Variants in MYRF observed in about 807,000 individuals in gnomAD.
The protein encoded by MYRF is myelin gene regulatory factor.
In MYRF, 16 loss-of-function variants were observed where a neutral mutation model predicts 126.3. The ratio of observed to expected loss-of-function variants is 0.13; its 90% CI spans 0.09 to 0.19. MYRF has a LOEUF of 0.19. Ranked by LOEUF, MYRF falls within the 10% of genes least tolerant of loss-of-function variation. MYRF has a pLI of 1.00. For synonymous variants in MYRF, 608 were observed against 635.3 expected (o/e 0.96, Z 0.65); for missense variants, 1,104 against 1,547.0 (o/e 0.71, Z 4.80).
intron 3 of MYRF, 103 bp downstream of exon 3, chr11:61,766,324 G>T: frequency 7.6e-7 from 1 of 1,310,130 alleles, no homozygotes; most frequent in Non-Finnish European, 1.0e-6. Flanking sequence ...CCTGGCATGG[G>T]ATGGGCTGGG....
At chr11:61,765,378 G>A (rs1436000173) in intron 1 of MYRF, among the ~76,000 whole-genome samples, 1 of 152,172 alleles carries the variant, frequency 6.6e-6, no homozygotes, top group Admixed American at 6.5e-5. Flanking sequence ...CCATGCCCTG[G>A]GCCCCTCTCC....
intron 1 of MYRF, among the ~76,000 whole-genome samples, chr11:61,758,302 G>A (rs538426661): frequency 6.6e-6 from 1 of 152,328 alleles, no homozygotes; most frequent in East Asian, 1.9e-4. Flanking sequence ...TGGAGTTTGA[G>A]GATCCTATCT....
Position 61,778,549 on chromosome 11 carries a change from A to C in MYRF, c.2013+60A>C. 8.4e-7 allele frequency: 1 copy of C among 1,185,392 alleles called. No homozygotes were observed. Among genetic ancestry groups the C allele is most frequent in the Admixed American group, 1.7e-5 (1 of 59,210 alleles). The allele number at this position is 1,185,392 out of a possible 1,614,324, so 73.4% of individuals were successfully genotyped here. A position where few individuals can be genotyped will look rare whatever the true frequency, so the allele number is the denominator to read the frequency against. ...GCAAGTGGGGAGCCAGCTGGGGAACACTCATCACCTCCATAGATACTGGGG... is the reference window on the plus strand; with the variant it reads ...GCAAGTGGGGAGCCAGCTGGGGAACCCTCATCACCTCCATAGATACTGGGG... On this transcript the variant is annotated intron_variant, in intron 14 of 26. Transcript: ENST00000278836. This position sits in a 1 kb window ranked among gnomAD's most constrained non-coding sequence, Gnocchi z 4.6.
intron 18 of MYRF, 139 bp from the exon 19 acceptor site, chr11:61,780,573 A>G: frequency 1.2e-6 from 1 of 848,558 alleles, no homozygotes. Context: ...AACATGGGGT[A>G]GGAGGAAGGA....
At chr11:61,775,966 A>C in intron 8 of MYRF, 90 bp from the exon 9 acceptor site, 1 of 1,209,224 alleles carries the variant, frequency 8.3e-7, no homozygotes, top group Non-Finnish European at 1.2e-6. Context: ...GGTGAGCTCT[A>C]GTTGGGCCAG....
chr11:61,763,164 G>T (rs1022965249), intron 1 of MYRF, among the ~76,000 whole-genome samples: 1 of 152,200 alleles, frequency 6.6e-6, no homozygotes, highest in African/African-American at 2.4e-5. Flanking sequence ...TCCAGGTGGG[G>T]TGGGGAAGGC....
chr11:61,778,157 G>A lies in MYRF; in HGVS notation c.1904-223G>A, dbSNP rs1028759639. On this transcript the variant is annotated intron_variant, in intron 13 of 26. Transcript: ENST00000278836. The surrounding 1 kb of genome is among the most constrained non-coding windows in gnomAD (Gnocchi z 4.6). ...CTTGCCCTGGGATCCTTACCCCCAGGAATCCGCCCCACCCCAGCCCAGGAA... is the reference window on the plus strand; with the variant it reads ...CTTGCCCTGGGATCCTTACCCCCAGAAATCCGCCCCACCCCAGCCCAGGAA... Among the ~76,000 whole-genome samples the A allele has an allele frequency of 3.3e-5, 5 of 152,102 alleles. No individual in the cohort carries two copies. The highest frequency in any genetic ancestry group is 1.2e-4 in the African/African-American group (5 of 41,426).
At chr11:61,774,521 C>CAA (rs1404658465) in intron 8 of MYRF, among the ~76,000 whole-genome samples, 1 of 100,804 alleles carries the variant, frequency 9.9e-6, no homozygotes. Flanking sequence ...GACTTCATCT[C>CAA]AAAAAAAAAA....
chr11:61,761,811 A>G (rs1195805433), intron 1 of MYRF, among the ~76,000 whole-genome samples: 2 of 152,276 alleles, frequency 1.3e-5, no homozygotes, highest in African/African-American at 4.8e-5. Context: ...AAATGAAGAA[A>G]AAGAAAATCA....
intron 1 of MYRF, among the ~76,000 whole-genome samples, chr11:61,756,912 G>A (rs1439037739): frequency 1.3e-5 from 2 of 152,240 alleles, no homozygotes; most frequent in Non-Finnish European, 2.9e-5. Context: ...CTCCCAAGGG[G>A]TTACAGACTG....
intron 7 of MYRF, 148 bp downstream of exon 7, chr11:61,772,100 A>G: frequency 2.5e-6 from 3 of 1,223,056 alleles, no homozygotes; most frequent in Non-Finnish European, 3.3e-6. Context: ...CAGGACTGGC[A>G]GTCAGGGCTC....
At chr11:61,764,857 C>T (rs2066008123) in intron 1 of MYRF, among the ~76,000 whole-genome samples, 1 of 152,238 alleles carries the variant, frequency 6.6e-6, no homozygotes, top group Non-Finnish European at 1.5e-5. Flanking sequence ...GAGTGGAGCT[C>T]TGGCGGCCAT....
At position 61,766,258 on chromosome 11, in the gene MYRF, T is replaced by C. The variant is rs1368123231; in HGVS notation, c.398+37T>C. On this transcript the variant is annotated intron_variant, in intron 3 of 26. Coordinates refer to ENST00000278836, the MANE Select transcript of MYRF (RefSeq NM_001127392.3). The stretch of plus-strand genomic sequence containing the variant: ...CAGGGAGTAGGGGGATACAGCGGCA[T>C]AGGGGCAGGCAGGGAGCAGGGCTGT... 1.9e-6 allele frequency: 3 copies of C among 1,562,010 alleles called. No individual in the cohort carries two copies. In the East Asian group the frequency reaches 6.8e-5, roughly 35 times the overall value.
chr11:61,780,274 C>G lies in MYRF; in HGVS notation c.2389C>G (p.Leu797Val). Reference sequence around the variant, plus strand: ...GCTGAGCCTGCGCACAGAGGAGGACCTGGTAGACACTGATGGGTAGGTTCC... The same window carrying G: ...GCTGAGCCTGCGCACAGAGGAGGACGTGGTAGACACTGATGGGTAGGTTCC... ...YVLSLRTEED[L>V]VDTDGSFAVS... The change falls in exon 18 of 27, where the codon CTG (leucine) becomes GTG (valine). Residue 797 changes from leucine (L) to valine (V), a missense_variant. Coordinates refer to ENST00000278836, the MANE Select transcript of MYRF (RefSeq NM_001127392.3). 1 of 1,613,062 alleles carries G rather than the reference C, an allele frequency of 6.2e-7. No individual in the cohort carries two copies.
At position 61,778,305 on chromosome 11, in the gene MYRF, C is replaced by T; in HGVS notation, c.1904-75C>T. On this transcript the variant is annotated intron_variant, in intron 13 of 26. Transcript: ENST00000278836. The surrounding 1 kb of genome is among the most constrained non-coding windows in gnomAD (Gnocchi z 4.6). ...AACTTCACCCTCTCCAGTCTTGCTCCCACTGTACATTACAAAGCTGTGAGT... is the reference window on the plus strand; with the variant it reads ...AACTTCACCCTCTCCAGTCTTGCTCTCACTGTACATTACAAAGCTGTGAGT... 2.0e-6 allele frequency: 2 copies of T among 991,774 alleles called. No homozygotes were observed. Among genetic ancestry groups the T allele is most frequent in the Non-Finnish European group, 3.3e-6 (2 of 615,196 alleles). 61.4% of individuals were successfully genotyped at this position (991,774 alleles called of 1,614,324 possible).
In MYRF at chr11:61,778,699, C is replaced by A. The variant is rs1201091220; in HGVS notation, c.2013+210C>A. 1.5e-6 allele frequency: 1 copy of A among 661,470 alleles called. No individual in the cohort carries two copies. The highest frequency in any genetic ancestry group is 1.8e-5 in the African/African-American group (1 of 56,362). The allele number at this position is 661,470 out of a possible 1,614,324, so 41.0% of individuals were successfully genotyped here. On this transcript the variant is annotated intron_variant, in intron 14 of 26. Coordinates refer to ENST00000278836, the MANE Select transcript of MYRF (RefSeq NM_001127392.3). This position sits in a 1 kb window ranked among gnomAD's most constrained non-coding sequence, Gnocchi z 4.6. Reference sequence around the variant, plus strand: ...TGGGTAGGGATTTGGCCCCTGGAGCCTGTGTGATCAAGGGCAAGAGAAACC... The same window carrying A: ...TGGGTAGGGATTTGGCCCCTGGAGCATGTGTGATCAAGGGCAAGAGAAACC...
chr11:61,769,867 A>G (rs2066161778), intron 4 of MYRF, among the ~76,000 whole-genome samples: 1 of 152,060 alleles, frequency 6.6e-6, no homozygotes, highest in African/African-American at 2.4e-5. Context: ...TGCCTGCCGG[A>G]GAGGGGAACA....
intron 3 of MYRF, among the ~76,000 whole-genome samples, chr11:61,767,813 C>CAAAAA (rs35214869): frequency 4.6e-5 from 3 of 64,918 alleles, no homozygotes; most frequent in East Asian, 4.6e-4. Context: ...GACCCTGTCT[C>CAAAAA]AAAAAAAAAA....
chr11:61,753,171 C>G (rs1346238171), intron 1 of MYRF, among the ~76,000 whole-genome samples: 1 of 152,102 alleles, frequency 6.6e-6, no homozygotes, highest in Non-Finnish European at 1.5e-5. Context: ...CGGGATACAA[C>G]CCCATTCAAG....
Sources: allele counts gnomAD v4.1 joint callset (sites outside exome capture counted in the v4.1 genomes callset), GRCh38; gene constraint gnomAD v4.1.1; non-coding constraint Gnocchi (gnomAD v3.1); transcripts MANE v1.5; gene names NCBI Gene and HGNC (gene_info 2026-07-23, HGNC 2026-07-21).